Variants in UGT8 observed in about 807,000 individuals in gnomAD.
UGT8 encodes 2-hydroxyacylsphingosine 1-beta-galactosyltransferase.
In UGT8, 12 loss-of-function variants were observed where a neutral mutation model predicts 40.5. The ratio of observed to expected loss-of-function variants is 0.30; its 90% confidence interval spans 0.19 to 0.48. The LOEUF is 0.48. Ranked by LOEUF, UGT8 falls within the 20% of genes least tolerant of loss-of-function variation. The probability of loss-of-function intolerance (pLI) is 0.99; values close to 1 mark genes in which losing one functional copy is unlikely to be tolerated. For synonymous variants in UGT8, 224 were observed against 240.4 expected (o/e 0.93, Z 0.63); for missense variants, 513 against 648.7 (o/e 0.79, Z 2.27).
chr4:114,613,935 G>T (rs754480860), intron 1 of UGT8, among the ~76,000 whole-genome samples: 2 of 152,146 alleles, frequency 1.3e-5, no homozygotes, highest in Non-Finnish European at 2.9e-5. Flanking sequence ...CCATCATCAG[G>T]CATTAATTGG....
intron 1 of UGT8, among the ~76,000 whole-genome samples, chr4:114,613,053 C>A (rs963789294): frequency 2.6e-5 from 4 of 152,076 alleles, no homozygotes; most frequent in Admixed American, 2.6e-4. Flanking sequence ...TTCATAGCCC[C>A]ACCTGACAGG....
chr4:114,636,098 A>G (rs960519633), intron 2 of UGT8, among the ~76,000 whole-genome samples: 16 of 152,194 alleles, frequency 1.1e-4, no homozygotes, highest in African/African-American at 3.6e-4. Flanking sequence ...GGTAATATAT[A>G]TGTGATTTCA....
At chr4:114,637,526 G>C (rs1006073860) in intron 2 of UGT8, among the ~76,000 whole-genome samples, 1 of 151,918 alleles carries the variant, frequency 6.6e-6, no homozygotes, top group Non-Finnish European at 1.5e-5. Context: ...CTAGAGTTTT[G>C]GTGTCATTTC....
intron 2 of UGT8, among the ~76,000 whole-genome samples, chr4:114,647,244 ATTTTC>A (rs1371806255): frequency 6.6e-6 from 1 of 151,988 alleles, no homozygotes; most frequent in Non-Finnish European, 1.5e-5. Flanking sequence ...ATAATTTGTG[ATTTTC>A]TTTTATGTCA....
At chr4:114,666,576 T>C (rs1222848771) in intron 4 of UGT8, among the ~76,000 whole-genome samples, 1 of 152,188 alleles carries the variant, frequency 6.6e-6, no homozygotes, top group Non-Finnish European at 1.5e-5. Context: ...ATGGCTTTAC[T>C]GTTATGACTT....
At chr4:114,628,086 A>G (rs1471524173) in intron 2 of UGT8, among the ~76,000 whole-genome samples, 1 of 152,074 alleles carries the variant, frequency 6.6e-6, no homozygotes, top group Non-Finnish European at 1.5e-5. Context: ...GTGTCTGTAT[A>G]CTGTCCTAGC....
intron 2 of UGT8, among the ~76,000 whole-genome samples, chr4:114,644,817 C>T (rs1733459279): frequency 1.3e-5 from 2 of 152,108 alleles, no homozygotes; most frequent in Non-Finnish European, 2.9e-5. Flanking sequence ...TGTCAACATA[C>T]ATCTCTGCAT....
chr4:114,600,144 A>G (rs1401205754), intron 1 of UGT8, among the ~76,000 whole-genome samples: 1 of 152,000 alleles, frequency 6.6e-6, no homozygotes, highest in Non-Finnish European at 1.5e-5. Flanking sequence ...CAAGGGAAGG[A>G]GTGGGTGGCG....
intron 1 of UGT8, among the ~76,000 whole-genome samples, chr4:114,611,421 T>C (rs199554908): frequency 2.9e-5 from 1 of 34,728 alleles, no homozygotes; most frequent in Non-Finnish European, 9.0e-5. Flanking sequence ...TATATATATA[T>C]ATATATATAT....
intron 2 of UGT8, among the ~76,000 whole-genome samples, chr4:114,647,307 C>CT (rs1461743348): frequency 6.6e-6 from 1 of 150,930 alleles, no homozygotes; most frequent in African/African-American, 2.4e-5. Context: ...TCGTTGAATG[C>CT]TTTTATATAC....
chr4:114,647,146 A>G (rs113995329), intron 2 of UGT8, among the ~76,000 whole-genome samples: 3 of 152,310 alleles, frequency 2.0e-5, no homozygotes, highest in African/African-American at 7.2e-5. Context: ...TATATCAATT[A>G]TAACTTTAAT....
At chr4:114,646,325 A>G (rs1458355756) in intron 2 of UGT8, among the ~76,000 whole-genome samples, 1 of 151,912 alleles carries the variant, frequency 6.6e-6, no homozygotes, top group Non-Finnish European at 1.5e-5. Context: ...AATTTAAGGT[A>G]TATCAGATGA....
chr4:114,665,419 AT>A, intron 3 of UGT8: 1 of 985,248 alleles, frequency 1.0e-6, no homozygotes, highest in South Asian at 4.7e-5. Context: ...CCATCTCTGT[AT>A]GTGTATAGGC....
intron 1 of UGT8, among the ~76,000 whole-genome samples, chr4:114,616,640 G>C (rs969893024): frequency 6.6e-6 from 1 of 152,076 alleles, no homozygotes; most frequent in East Asian, 1.9e-4. Context: ...CCAGTGAGAT[G>C]AACCCAGTAC....
At chr4:114,604,172 A>G (rs1240702703) in intron 1 of UGT8, among the ~76,000 whole-genome samples, 1 of 152,190 alleles carries the variant, frequency 6.6e-6, no homozygotes, top group African/African-American at 2.4e-5. Flanking sequence ...GCACCTGGTA[A>G]TTAAACCTCC....
intron 1 of UGT8, among the ~76,000 whole-genome samples, chr4:114,607,986 G>A (rs1560665317): frequency 1.3e-5 from 2 of 152,048 alleles, no homozygotes; most frequent in Non-Finnish European, 2.9e-5. Context: ...TTGACTATGC[G>A]TTTATTTTCA....
intron 2 of UGT8, among the ~76,000 whole-genome samples, chr4:114,637,047 A>G (rs372681577): frequency 6.6e-6 from 1 of 152,200 alleles, no homozygotes. Context: ...ACAGTGAGGC[A>G]TTAGTCAAAA....
Position 114,623,601 on chromosome 4 carries a change from A to T in UGT8, c.721A>T (p.Met241Leu). The T allele has an allele frequency of 6.2e-7, 1 of 1,614,110 alleles. No homozygotes were observed. Among genetic ancestry groups the T allele is most frequent in the Non-Finnish European group, 8.5e-7 (1 of 1,180,000 alleles). ...TTTGGTTCATGGGTCCAGCCTGTGG[A>T]TGCTGTGTACTGACGTAGCACTGGA... ...YDLVHGSSLW[M>L]LCTDVALEFP... The change falls in exon 2 of 6, where the codon ATG (methionine) becomes TTG (leucine). Residue 241 changes from methionine to leucine, a missense_variant. Transcript: ENST00000310836.
At chr4:114,627,132 A>T (rs1462558373) in intron 2 of UGT8, among the ~76,000 whole-genome samples, 2 of 152,214 alleles carry the variant, frequency 1.3e-5, no homozygotes, top group East Asian at 3.8e-4. Context: ...GTTGGATCAC[A>T]TTCATATAGT....
Sources: gnomAD v4.1 joint callset for allele counts (sites outside exome capture counted in the v4.1 genomes callset) on GRCh38, gnomAD v4.1.1 for gene constraint, MANE v1.5 for transcripts, NCBI Gene and HGNC (gene_info 2026-07-23, HGNC 2026-07-21) for gene names.